Variants in THSD7B observed in about 807,000 individuals in gnomAD.
THSD7B encodes the protein thrombospondin type 1 domain containing 7B.
THSD7B carries 138 observed loss-of-function variants against 213.6 expected under a neutral mutation model. The ratio of observed to expected loss-of-function variants is 0.65; its 90% CI spans 0.56 to 0.74. THSD7B has a LOEUF of 0.74. Among genes scored for constraint, THSD7B ranks in the 30% least tolerant of loss-of-function variants. The pLI is 0.00. For synonymous variants in THSD7B, 742 were observed against 687.0 expected, an observed-to-expected ratio of 1.08 and a Z score of -1.25; for missense variants, 1,931 against 1,991.5, an observed-to-expected ratio of 0.97 and a Z score of 0.58.
intron 11 of THSD7B, 142 bp from the exon 12 acceptor site, chr2:137,275,781 G>A: frequency 1.7e-6 from 1 of 589,574 alleles, no homozygotes; most frequent in Non-Finnish European, 2.9e-6. Flanking sequence ...GCTTGCCAAG[G>A]CTTGGTTTTA....
In THSD7B at chr2:137,089,866, G is replaced by A. The variant is rs1468843772; in HGVS notation, c.951-5007G>A. Among the ~76,000 whole-genome samples the A allele has an allele frequency of 2.6e-5, 4 of 151,904 alleles. No individual in the cohort carries two copies. The East Asian group carries it at 5.8e-4, about 22-fold the overall frequency. Reference sequence around the variant, plus strand: ...CTAATAAAAATACAAAAAATTAGCCGGGTGTGGTGGTGCACCTGTAGTCCC... The same window carrying A: ...CTAATAAAAATACAAAAAATTAGCCAGGTGTGGTGGTGCACCTGTAGTCCC... On this transcript the variant is annotated intron_variant, in intron 3 of 27. Transcript: ENST00000409968.
At chr2:137,645,863 A>G (rs1683021820) in intron 21 of THSD7B, among the ~76,000 whole-genome samples, 1 of 152,180 alleles carries the variant, frequency 6.6e-6, no homozygotes. Context: ...CATATGGAAT[A>G]ATAAGTTATA....
chr2:136,881,785 G>T (rs1683626928), intron 1 of THSD7B, among the ~76,000 whole-genome samples: 1 of 151,886 alleles, frequency 6.6e-6, no homozygotes, highest in Non-Finnish European at 1.5e-5. Context: ...AGCTACTATG[G>T]GAATCAAGTA....
intron 12 of THSD7B, among the ~76,000 whole-genome samples, chr2:137,350,658 G>A (rs1263179467): frequency 6.6e-6 from 1 of 151,782 alleles, no homozygotes; most frequent in Non-Finnish European, 1.5e-5. Flanking sequence ...AGAATGAGGT[G>A]GGGAGGGTTG....
intron 20 of THSD7B, among the ~76,000 whole-genome samples, chr2:137,632,306 A>C (rs1003841008): frequency 2.0e-5 from 3 of 152,210 alleles, no homozygotes; most frequent in African/African-American, 7.2e-5. Context: ...GCCCCTCTGA[A>C]TTTTAAACCT....
chr2:136,766,999 T>C (rs1200212182), intron 1 of THSD7B, among the ~76,000 whole-genome samples: 2 of 149,654 alleles, frequency 1.3e-5, no homozygotes, highest in Non-Finnish European at 3.0e-5. Context: ...TGTGTGTGTA[T>C]ACATGCGCGT....
intron 17 of THSD7B, among the ~76,000 whole-genome samples, chr2:137,588,551 T>C (rs1329872688): frequency 1.3e-5 from 2 of 151,980 alleles, no homozygotes; most frequent in East Asian, 3.9e-4. Flanking sequence ...GATTCCATTT[T>C]AGCATTTATA....
chr2:137,098,976 T>G lies in THSD7B; in HGVS notation c.1199+3855T>G, dbSNP rs574680736. Among the ~76,000 whole-genome samples, 3 of 152,352 alleles carry G rather than the reference T, an allele frequency of 2.0e-5. No homozygotes were observed. The East Asian group carries it at 5.8e-4, about 29-fold the overall frequency. On this transcript the variant is annotated intron_variant, in intron 4 of 27. Transcript: ENST00000409968. Reference sequence around the variant, plus strand: ...ACATGAAAATTAGCATTGTATAGCCTTAAGTTTGTTTCGAAGTTGTAGTTT... The same window carrying G: ...ACATGAAAATTAGCATTGTATAGCCGTAAGTTTGTTTCGAAGTTGTAGTTT...
At chr2:137,079,768 G>A (rs1262590125) in intron 3 of THSD7B, among the ~76,000 whole-genome samples, 4 of 151,966 alleles carry the variant, frequency 2.6e-5, no homozygotes, top group South Asian at 4.1e-4. Flanking sequence ...TTGTATTTAC[G>A]GTGTGTTTAA....
At chr2:137,576,245 A>G (rs1681458395) in intron 17 of THSD7B, among the ~76,000 whole-genome samples, 1 of 152,108 alleles carries the variant, frequency 6.6e-6, no homozygotes, top group Admixed American at 6.6e-5. Flanking sequence ...TGATAGGACA[A>G]GTGTATTGGA....
intron 2 of THSD7B, among the ~76,000 whole-genome samples, chr2:136,961,408 GACAGGGTTTC>G (rs1170996836): frequency 1.3e-5 from 2 of 151,754 alleles, no homozygotes; most frequent in Non-Finnish European, 2.9e-5. Context: ...TCTTAGTAGA[GACAGGGTTTC>G]ACCATGTTAG....
chr2:137,075,915 G>C (rs918217197), intron 3 of THSD7B, among the ~76,000 whole-genome samples: 2 of 152,134 alleles, frequency 1.3e-5, no homozygotes. Context: ...TTGGTGAACC[G>C]CAAATGCTGC....
intron 12 of THSD7B, among the ~76,000 whole-genome samples, chr2:137,383,026 G>T (rs562719803): frequency 1.3e-5 from 2 of 152,318 alleles, no homozygotes; most frequent in Admixed American, 6.5e-5. Context: ...CCAAGGAAGC[G>T]ACACCTATGG....
chr2:137,000,088 C>T (rs1326751859), intron 2 of THSD7B, among the ~76,000 whole-genome samples: 1 of 152,078 alleles, frequency 6.6e-6, no homozygotes, highest in African/African-American at 2.4e-5. Context: ...TTCTCTCTGG[C>T]ATGGGGAGGA....
At chr2:136,989,793 A>G (rs1318996512) in intron 2 of THSD7B, among the ~76,000 whole-genome samples, 1 of 152,188 alleles carries the variant, frequency 6.6e-6, no homozygotes, top group Non-Finnish European at 1.5e-5. Flanking sequence ...GGGTAGAGAT[A>G]TGATCTATTT....
intron 1 of THSD7B, among the ~76,000 whole-genome samples, chr2:136,866,867 G>T (rs1323155429): frequency 6.6e-6 from 1 of 152,158 alleles, no homozygotes; most frequent in Non-Finnish European, 1.5e-5. Flanking sequence ...ATGGAATTTT[G>T]CAGCGTTTTG....
chr2:137,076,220 T>A (rs1006230628), intron 3 of THSD7B, among the ~76,000 whole-genome samples: 1 of 152,248 alleles, frequency 6.6e-6, no homozygotes, highest in Non-Finnish European at 1.5e-5. Context: ...CTCCTTGAGC[T>A]GTGGTGGGCT....
intron 4 of THSD7B, among the ~76,000 whole-genome samples, chr2:137,098,017 A>G (rs1267432344): frequency 1.3e-5 from 2 of 152,194 alleles, no homozygotes; most frequent in Non-Finnish European, 2.9e-5. Flanking sequence ...GAAAGCATAG[A>G]GGCTATGTAC....
chr2:137,023,590 G>T lies in THSD7B; in HGVS notation c.140-32830G>T, dbSNP rs368843523. On this transcript the variant is annotated intron_variant, in intron 2 of 27. Transcript: ENST00000409968. ...TGGTGGCCAAGAACAGAAGCATTTT[G>T]TGCAGATATCTCTTTCCTTTGCGTG... Among the ~76,000 whole-genome samples, 5 of 152,162 alleles carry T rather than the reference G, an allele frequency of 3.3e-5. No homozygotes were observed. The East Asian group carries it at 7.7e-4, about 23-fold the overall frequency.
Sources: gnomAD v4.1 joint callset for allele counts (sites outside exome capture counted in the v4.1 genomes callset) on GRCh38, gnomAD v4.1.1 for gene constraint, MANE v1.5 for transcripts, NCBI Gene and HGNC (gene_info 2026-07-23, HGNC 2026-07-21) for gene names.